SRFBP1: variants seen among roughly 807,000 people sequenced by gnomAD.
SRFBP1 encodes the protein serum response factor binding protein 1.
A neutral mutation model predicts 45.5 loss-of-function variants in SRFBP1; 47 were observed. That is an observed-to-expected ratio of 1.03 (90% CI 0.82 to 1.32). The LOEUF (loss-of-function observed/expected upper bound fraction) is 1.32, where lower values mean the gene tolerates loss of function less well. SRFBP1 is among the 40% of genes most tolerant of loss of function. The pLI, the probability that SRFBP1 is intolerant of heterozygous loss-of-function variation, is 0.00. For synonymous variants in SRFBP1, 203 were observed against 166.3 expected, an observed-to-expected ratio of 1.22 and a Z score of -1.70; for missense variants, 621 against 484.6, an observed-to-expected ratio of 1.28 and a Z score of -2.64.
intron 4 of SRFBP1, among the ~76,000 whole-genome samples, chr5:121,998,959 T>G (rs1347045291): frequency 6.6e-6 from 1 of 152,188 alleles, no homozygotes; most frequent in Non-Finnish European, 1.5e-5. Context: ...AGATTTTGTA[T>G]TAATTGATTT....
chr5:121,978,867 G>A (rs1036757111), intron 3 of SRFBP1, among the ~76,000 whole-genome samples: 1 of 152,086 alleles, frequency 6.6e-6, no homozygotes, highest in African/African-American at 2.4e-5. Context: ...TTTAAGATGA[G>A]AATTTATGTA....
chr5:122,060,052 C>G (rs1432130881), intron 2 of SRFBP1, among the ~76,000 whole-genome samples: 1 of 152,006 alleles, frequency 6.6e-6, no homozygotes, highest in African/African-American at 2.4e-5. Context: ...ATGGGCTTTC[C>G]TCCTAAAATG....
intron 4 of SRFBP1, among the ~76,000 whole-genome samples, chr5:121,997,449 A>C (rs1415063474): frequency 6.6e-6 from 1 of 151,844 alleles, no homozygotes; most frequent in African/African-American, 2.4e-5. Context: ...TGCTGGGAAA[A>C]CTGGCTAGCC....
At chr5:122,074,298 T>A in intron 2 of SRFBP1, 1 of 715,588 alleles carries the variant, frequency 1.4e-6, no homozygotes, top group Non-Finnish European at 2.3e-6. Context: ...ATTTATCTTC[T>A]AAAAGAGAGA....
intron 2 of SRFBP1, among the ~76,000 whole-genome samples, chr5:122,061,403 C>G (rs1754166895): frequency 1.3e-5 from 2 of 150,586 alleles, no homozygotes; most frequent in South Asian, 4.4e-4. Context: ...TTATATAGCT[C>G]TATTTTTTTC....
intron 3 of SRFBP1, among the ~76,000 whole-genome samples, chr5:121,986,795 A>G (rs1393052177): frequency 1.3e-5 from 2 of 152,166 alleles, no homozygotes; most frequent in Admixed American, 1.3e-4. Context: ...AAAAACCAAA[A>G]TCCAAAACTT....
chr5:121,977,933 C>T lies in SRFBP1; in HGVS notation c.198+2546C>T, dbSNP rs1446144973. Among the ~76,000 whole-genome samples, 8 of 152,058 alleles carry T rather than the reference C, an allele frequency of 5.3e-5. No individual in the cohort carries two copies. In the East Asian group the frequency reaches 1.5e-3, roughly 29 times the overall value. ...TTGCTGCCTTTTCTATAATAGTGTC[C>T]ATACTTTTAACTTTGATATTAGTAG... On this transcript the variant is annotated intron_variant, in intron 3 of 7. Transcript: ENST00000339397.
chr5:122,031,303 T>C (rs1446633085), downstream of SRFBP1, among the ~76,000 whole-genome samples: 1 of 152,146 alleles, frequency 6.6e-6, no homozygotes, highest in African/African-American at 2.4e-5. Context: ...TATACAGAGT[T>C]GTAACATGTT....
intron 4 of SRFBP1, among the ~76,000 whole-genome samples, chr5:122,003,292 C>T (rs961766662): frequency 1.3e-5 from 2 of 150,628 alleles, no homozygotes; most frequent in Non-Finnish European, 2.9e-5. Context: ...TTGTAGTGAG[C>T]TGTGATCATG....
intron 6 of SRFBP1, 149 bp downstream of exon 6, chr5:122,020,951 G>A (rs77023299): frequency 0.016 from 10,612 of 659,326 alleles, 490 homozygotes; most frequent in African/African-American, 0.11. Context: ...TTGTAGTGGG[G>A]TATTAGGTAC....
intron 2 of SRFBP1, among the ~76,000 whole-genome samples, chr5:122,072,776 G>A (rs1159736694): frequency 6.6e-6 from 1 of 152,166 alleles, no homozygotes. Context: ...AAAATGAAAT[G>A]GGGTCACCCC....
At chr5:122,005,316 T>C (rs930611721) in intron 4 of SRFBP1, among the ~76,000 whole-genome samples, 4 of 152,206 alleles carry the variant, frequency 2.6e-5, no homozygotes, top group Non-Finnish European at 5.9e-5. Context: ...CTTTATGTAT[T>C]TGGGTCCTCT....
intron 2 of SRFBP1, among the ~76,000 whole-genome samples, chr5:122,035,668 G>A (rs1029199723): frequency 2.0e-5 from 3 of 152,082 alleles, no homozygotes; most frequent in Non-Finnish European, 2.9e-5. Context: ...CTATGCCCCA[G>A]TTTCATTTTT....
chr5:121,975,483 C>T (rs919207387), intron 3 of SRFBP1, 96 bp downstream of exon 3: 15 of 1,301,194 alleles, frequency 1.2e-5, no homozygotes, highest in Middle Eastern at 1.8e-4. Context: ...TGAATATTCC[C>T]GAGAGTTGCG....
intron 1 of SRFBP1, among the ~76,000 whole-genome samples, chr5:121,972,259 CTTTA>C (rs1440387363): frequency 6.6e-6 from 1 of 151,794 alleles, no homozygotes; most frequent in Admixed American, 6.6e-5. Flanking sequence ...TATATTGTAA[CTTTA>C]TTCGTAAAGG....
At chr5:122,048,654 A>G (rs1007938332) in intron 2 of SRFBP1, among the ~76,000 whole-genome samples, 1 of 152,124 alleles carries the variant, frequency 6.6e-6, no homozygotes, top group South Asian at 2.1e-4. Context: ...GGTAGAATTC[A>G]GCTGTGAATC....
intron 4 of SRFBP1, among the ~76,000 whole-genome samples, chr5:121,998,460 A>T (rs1752780952): frequency 7.1e-6 from 1 of 140,986 alleles, no homozygotes; most frequent in Non-Finnish European, 1.5e-5. Context: ...GTGGGAATTG[A>T]ACAATGAGAT....
chr5:121,962,099 T>C, intron 1 of SRFBP1, 31 bp downstream of exon 1: 1 of 1,613,532 alleles, frequency 6.2e-7, no homozygotes, highest in Non-Finnish European at 8.5e-7. Flanking sequence ...GGGGCTGACT[T>C]TAAGGGTCCT....
chr5:122,039,268 G>A (rs1012163667), intron 2 of SRFBP1, among the ~76,000 whole-genome samples: 3 of 152,156 alleles, frequency 2.0e-5, no homozygotes, highest in African/African-American at 7.2e-5. Flanking sequence ...GGTATATCCA[G>A]AATTGATGGA....
Sources: allele counts gnomAD v4.1 joint callset (sites outside exome capture counted in the v4.1 genomes callset), GRCh38; gene constraint gnomAD v4.1.1; transcripts MANE v1.5; gene names NCBI Gene and HGNC (gene_info 2026-07-23, HGNC 2026-07-21).